Variants in ENTPD5 observed in about 807,000 individuals in gnomAD.
ENTPD5 encodes the protein nucleoside diphosphate phosphatase ENTPD5.
In ENTPD5, 49 loss-of-function variants were observed where a neutral mutation model predicts 60.2. The ratio of observed to expected loss-of-function variants is 0.81; its 90% CI spans 0.65 to 1.03. The LOEUF (loss-of-function observed/expected upper bound fraction) is 1.03. ENTPD5 is among the 50% of genes least tolerant of loss of function. The pLI, the probability that ENTPD5 is intolerant of heterozygous loss-of-function variation, is 0.00. For missense variants in ENTPD5, 480 were observed against 507.6 expected (o/e 0.95, Z 0.52); for synonymous variants, 187 against 185.4 (o/e 1.01, Z -0.07).
At chr14:73,981,273 G>C (rs1190566060) in intron 6 of ENTPD5, among the ~76,000 whole-genome samples, 4 of 151,658 alleles carry the variant, frequency 2.6e-5, no homozygotes, top group African/African-American at 4.8e-5. Flanking sequence ...AGCCGGGGTG[G>C]GTGGAGTTTG....
At chr14:73,991,327 C>A (rs2058118944) in intron 3 of ENTPD5, among the ~76,000 whole-genome samples, 1 of 152,092 alleles carries the variant, frequency 6.6e-6, no homozygotes, top group African/African-American at 2.4e-5. Flanking sequence ...GTGCCTCACA[C>A]CTGTAATCCC....
rs777993195 is a variant in ENTPD5, at chr14:73,966,921, C to T, written c.*7G>A. 1.4e-5 allele frequency: 23 copies of T among 1,611,750 alleles called. No individual in the cohort carries two copies. The highest frequency in any genetic ancestry group is 1.7e-4 in the Middle Eastern group (1 of 6,044). ...GCAAATGCAGGTCTCCAAGGAAGTACGTGGCCTCAATGGGAGATGCCCAGA... is the reference window on the plus strand; with the variant it reads ...GCAAATGCAGGTCTCCAAGGAAGTATGTGGCCTCAATGGGAGATGCCCAGA... On this transcript the variant is annotated 3_prime_UTR_variant, in exon 16 of 16. Transcript: ENST00000334696.
At position 73,971,928 on chromosome 14, in the gene ENTPD5, T is replaced by C; in HGVS notation, c.1028-20A>G. 3 of 1,458,560 alleles carry C rather than the reference T, an allele frequency of 2.1e-6. No individual in the cohort carries two copies. Among genetic ancestry groups the C allele is most frequent in the Non-Finnish European group, 2.9e-6 (3 of 1,038,446 alleles). The allele number at this position is 1,458,560 out of a possible 1,614,324, so 90.4% of individuals were successfully genotyped here. ...CATAATCTGAAATAAAACAGAAGATTATCTGATATCAAAACGCCTTCAAGG... is the reference window on the plus strand; with the variant it reads ...CATAATCTGAAATAAAACAGAAGATCATCTGATATCAAAACGCCTTCAAGG... On this transcript the variant is annotated intron_variant, in intron 13 of 15. Coordinates refer to ENST00000334696, the MANE Select transcript of ENTPD5 (RefSeq NM_001249.5).
At chr14:73,972,230 C>T (rs1308390674) in intron 13 of ENTPD5, among the ~76,000 whole-genome samples, 5 of 151,884 alleles carry the variant, frequency 3.3e-5, no homozygotes, top group East Asian at 1.9e-4. Flanking sequence ...AAAAATTAGC[C>T]GGGTGTGGTG....
chr14:74,010,952 C>G (rs1273901046), intron 3 of ENTPD5, 139 bp downstream of exon 3: 4 of 152,894 alleles, frequency 2.6e-5, no homozygotes, highest in Non-Finnish European at 5.8e-5. Flanking sequence ...AATAAGGGTA[C>G]TGCACTTTGT....
chr14:73,969,554 A>T (rs1021937351), intron 15 of ENTPD5, among the ~76,000 whole-genome samples: 24 of 152,134 alleles, frequency 1.6e-4, no homozygotes, highest in Admixed American at 1.4e-3. Flanking sequence ...ATACAAAAAA[A>T]TTAGCCAGGA....
intron 5 of ENTPD5, 21 bp from the exon 6 acceptor site, chr14:73,983,182 T>A: frequency 6.3e-7 from 1 of 1,599,848 alleles, no homozygotes; most frequent in South Asian, 1.1e-5. Flanking sequence ...GATAACCCGT[T>A]CATCTGATGA....
intron 11 of ENTPD5, 98 bp from the exon 12 acceptor site, chr14:73,974,076 G>T: frequency 4.4e-6 from 4 of 917,704 alleles, no homozygotes; most frequent in Non-Finnish European, 7.0e-6. Flanking sequence ...TCACCATGGG[G>T]GCTGGGCCTT....
chr14:73,967,188 A>G (rs561560392), intron 15 of ENTPD5, among the ~76,000 whole-genome samples, 174 bp from the exon 16 acceptor site: 99 of 152,376 alleles, frequency 6.5e-4, no homozygotes, highest in African/African-American at 2.4e-3. Context: ...CCTTCCGGCC[A>G]TGGCCCATTG....
intron 2 of ENTPD5, among the ~76,000 whole-genome samples, chr14:74,011,958 T>A (rs115567354): frequency 6.6e-6 from 1 of 152,076 alleles, no homozygotes; most frequent in Non-Finnish European, 1.5e-5. Context: ...TATTTTCTAT[T>A]CCCTCAGGAA....
At chr14:73,987,839 TA>T in intron 4 of ENTPD5, 46 bp downstream of exon 4, 1 of 1,570,944 alleles carries the variant, frequency 6.4e-7, no homozygotes, top group Non-Finnish European at 8.7e-7. Context: ...GAGGAGATGC[TA>T]AAGTGTGGAT....
At chr14:73,956,201 G>A (rs112175736), downstream of ENTPD5, 2,248 of 376,156 alleles carry the variant, frequency 6.0e-3, 42 homozygotes, top group African/African-American at 0.044. Flanking sequence ...GGTGGCGGGC[G>A]CCTATAGACC....
downstream of ENTPD5, chr14:73,961,921 G>GCTCA: frequency 6.2e-7 from 1 of 1,613,898 alleles, no homozygotes; most frequent in African/African-American, 1.3e-5. Flanking sequence ...GTTGCTCAGA[G>GCTCA]GAATGACTTT....
downstream of ENTPD5, chr14:73,955,546 TG>T: frequency 6.3e-7 from 1 of 1,590,320 alleles, no homozygotes; most frequent in Non-Finnish European, 8.6e-7. Context: ...CAAGATGTCT[TG>T]GTCTGTCTTA....
chr14:73,997,280 C>T (rs912257673), intron 3 of ENTPD5, among the ~76,000 whole-genome samples: 5 of 152,090 alleles, frequency 3.3e-5, no homozygotes, highest in African/African-American at 9.7e-5. Context: ...AAGGAGTGGA[C>T]TTGTTTTCCT....
At position 73,977,322 on chromosome 14, in the gene ENTPD5, C is replaced by T; in HGVS notation, c.494G>A (p.Ser165Asn). The T allele has an allele frequency of 1.2e-6, 2 of 1,610,552 alleles. No individual in the cohort carries two copies. The highest frequency in any genetic ancestry group is 1.7e-6 in the Non-Finnish European group (2 of 1,178,876). The change falls in exon 7 of 16, where the codon AGC becomes AAC. Residue 165 changes from serine (S) to asparagine (N), a missense_variant. By Grantham distance (46) the Ser-to-Asn change is conservative. Coordinates refer to ENST00000334696, the MANE Select transcript of ENTPD5 (RefSeq NM_001249.5). ...ACCTTCGTCGGATCCATCCATGATG[C>T]TAACACTGCCCTTTGGTACCAGGAA... ...SPFLVPKGSV[S>N]IMDGSDEGIL...
intron 3 of ENTPD5, among the ~76,000 whole-genome samples, chr14:74,004,090 G>A (rs1414522179): frequency 6.6e-6 from 1 of 152,104 alleles, no homozygotes; most frequent in Non-Finnish European, 1.5e-5. Context: ...GGGTGACAGA[G>A]CAAGACCCTG....
intron 14 of ENTPD5, among the ~76,000 whole-genome samples, chr14:73,970,724 A>T (rs920779290): frequency 1.3e-5 from 2 of 152,204 alleles, no homozygotes; most frequent in Non-Finnish European, 2.9e-5. Context: ...CTTATCTATT[A>T]TTAATGGTGA....
chr14:73,994,702 G>A, intron 3 of ENTPD5, among the ~76,000 whole-genome samples: 1 of 149,192 alleles, frequency 6.7e-6, no homozygotes. Flanking sequence ...CAGCACTCCA[G>A]CCTGGGCGAC....
Sources: gnomAD v4.1 joint callset for allele counts (sites outside exome capture counted in the v4.1 genomes callset) on GRCh38, gnomAD v4.1.1 for gene constraint, MANE v1.5 for transcripts, NCBI Gene and HGNC (gene_info 2026-07-23, HGNC 2026-07-21) for gene names.